Variants in GLI3 observed in about 807,000 individuals in gnomAD.
GLI3 encodes transcription activator GLI3.
A neutral mutation model predicts 100.8 loss-of-function variants in GLI3; 20 were observed. That is an observed-to-expected ratio of 0.20 (90% confidence interval 0.14 to 0.29). The LOEUF (loss-of-function observed/expected upper bound fraction) is 0.29. GLI3 is among the 10% of genes least tolerant of loss of function. GLI3 has a pLI of 1.00. For synonymous variants in GLI3, 938 were observed against 860.5 expected, an observed-to-expected ratio of 1.09 and a Z score of -1.58; for missense variants, 2,040 against 2,128.5, an observed-to-expected ratio of 0.96 and a Z score of 0.82.
chr7:42,255,469 C>T (rs181303238), intron 1 of GLI3, among the ~76,000 whole-genome samples: 8 of 152,166 alleles, frequency 5.3e-5, no homozygotes, highest in African/African-American at 1.4e-4. Context: ...CTCATGTCTG[C>T]GTGCATCAAT....
intron 13 of GLI3, among the ~76,000 whole-genome samples, chr7:41,971,389 C>A (rs1787361012): frequency 6.6e-6 from 1 of 152,212 alleles, no homozygotes; most frequent in African/African-American, 2.4e-5. Context: ...CAATTAAATC[C>A]ATTCTACGCA....
At chr7:42,050,748 G>A (rs916731382) in intron 4 of GLI3, among the ~76,000 whole-genome samples, 1 of 152,174 alleles carries the variant, frequency 6.6e-6, no homozygotes, top group South Asian at 2.1e-4. Flanking sequence ...CTAAACATCA[G>A]GGTGGGCAGT....
At chr7:42,014,713 T>G (rs2128727004) in intron 10 of GLI3, among the ~76,000 whole-genome samples, 1 of 152,286 alleles carries the variant, frequency 6.6e-6, no homozygotes, top group African/African-American at 2.4e-5. Flanking sequence ...CAGCCTGCCC[T>G]GTATGCTCCC....
chr7:41,968,713 GAAGA>G (rs1231824406), intron 13 of GLI3, among the ~76,000 whole-genome samples: 84 of 93,970 alleles, frequency 8.9e-4, no homozygotes, highest in Middle Eastern at 4.6e-3. Context: ...AAGAAAGAAA[GAAGA>G]AAGAAAGAAA....
chr7:42,003,737 A>C (rs1788372482), intron 10 of GLI3, among the ~76,000 whole-genome samples: 1 of 152,224 alleles, frequency 6.6e-6, no homozygotes, highest in Admixed American at 6.5e-5. Flanking sequence ...CAGCTTTACC[A>C]GAATGTTATT....
intron 2 of GLI3, among the ~76,000 whole-genome samples, chr7:42,202,608 T>C (rs1336730725): frequency 6.6e-6 from 1 of 152,156 alleles, no homozygotes; most frequent in Non-Finnish European, 1.5e-5. Context: ...GTAAATGCCA[T>C]CTTGCACAAA....
At chr7:41,990,150 C>A (rs1245361527) in intron 10 of GLI3, among the ~76,000 whole-genome samples, 1 of 149,414 alleles carries the variant, frequency 6.7e-6, no homozygotes, top group Non-Finnish European at 1.5e-5. Context: ...CACACACACA[C>A]AATGACTATC....
intron 10 of GLI3, among the ~76,000 whole-genome samples, chr7:42,005,390 T>C (rs1788426385): frequency 6.6e-6 from 1 of 151,844 alleles, no homozygotes; most frequent in Non-Finnish European, 1.5e-5. Flanking sequence ...AACGGATGGA[T>C]GGATAGATGG....
chr7:42,194,670 G>C (rs181732064), intron 2 of GLI3, among the ~76,000 whole-genome samples: 33 of 151,320 alleles, frequency 2.2e-4, no homozygotes, highest in Non-Finnish European at 4.4e-4. Context: ...TAGCATCTTT[G>C]ACTCTCCTTC....
chr7:42,180,634 C>G (rs986107667), intron 2 of GLI3, among the ~76,000 whole-genome samples: 2 of 152,100 alleles, frequency 1.3e-5, no homozygotes, highest in Non-Finnish European at 2.9e-5. Context: ...CCAAACAGTT[C>G]GAACAGCTCA....
intron 3 of GLI3, among the ~76,000 whole-genome samples, chr7:42,147,948 C>T (rs1786756924): frequency 6.6e-6 from 1 of 152,134 alleles, no homozygotes; most frequent in Admixed American, 6.5e-5. Context: ...ACAAAAGTCT[C>T]ATGTGGATTA....
chr7:42,163,249 C>T (rs1211468289), intron 2 of GLI3, among the ~76,000 whole-genome samples: 1 of 151,994 alleles, frequency 6.6e-6, no homozygotes, highest in South Asian at 2.1e-4. Context: ...CTCACCTCTG[C>T]TTGTCACACC....
At chr7:42,025,236 G>A (rs763792985) in intron 9 of GLI3, 28 bp downstream of exon 9, 19 of 1,446,154 alleles carry the variant, frequency 1.3e-5, no homozygotes, top group African/African-American at 5.6e-5. Flanking sequence ...AGGAGTGGGC[G>A]CTGGCCTGTG....
chr7:42,261,780 A>G (rs1241339769), intron 1 of GLI3, among the ~76,000 whole-genome samples: 2 of 152,178 alleles, frequency 1.3e-5, no homozygotes, highest in Admixed American at 1.3e-4. Flanking sequence ...TTCTTTAAAG[A>G]TAGAGATTTA....
intron 4 of GLI3, among the ~76,000 whole-genome samples, chr7:42,060,019 C>T (rs1468854590): frequency 2.0e-5 from 3 of 152,326 alleles, no homozygotes; most frequent in South Asian, 2.1e-4. Context: ...CTTAGGTTTG[C>T]CTGTTGGGTG....
intron 10 of GLI3, among the ~76,000 whole-genome samples, chr7:42,012,784 G>C (rs576297139): frequency 2.6e-5 from 4 of 152,326 alleles, no homozygotes; most frequent in African/African-American, 9.6e-5. Flanking sequence ...AACACGAGGA[G>C]GAATACAGTG....
At chr7:42,179,828 C>T (rs1349132421) in intron 2 of GLI3, among the ~76,000 whole-genome samples, 1 of 152,110 alleles carries the variant, frequency 6.6e-6, no homozygotes, top group East Asian at 1.9e-4. Context: ...ATCACCTGGG[C>T]TAGAAAAGGT....
In GLI3 at chr7:41,962,896, C is replaced by A. The variant is rs1787045879; in HGVS notation, c.*1434G>T. Reference sequence around the variant, plus strand: ...TAACAGTTTATATAATTTTTTAAAGCAATATGCTGGAAAATCCATGTACTC... The same window carrying A: ...TAACAGTTTATATAATTTTTTAAAGAAATATGCTGGAAAATCCATGTACTC... On this transcript the variant is annotated 3_prime_UTR_variant, in exon 15 of 15. Transcript: ENST00000395925. The A allele has an allele frequency of 6.6e-6, 1 of 152,138 alleles. No homozygotes were observed. Among genetic ancestry groups the A allele is most frequent in the African/African-American group, 2.4e-5 (1 of 41,440 alleles). The allele number at this position is 152,138 out of a possible 1,614,324, so 9.4% of individuals were successfully genotyped here.
At chr7:42,230,106 G>GC (rs1213334832) in intron 1 of GLI3, among the ~76,000 whole-genome samples, 5 of 122,646 alleles carry the variant, frequency 4.1e-5, no homozygotes, top group Admixed American at 8.3e-5. Context: ...GGCGGGGGGG[G>GC]GGGGGGTGGA....
Sources: allele counts gnomAD v4.1 joint callset (sites outside exome capture counted in the v4.1 genomes callset), GRCh38; gene constraint gnomAD v4.1.1; transcripts MANE v1.5; gene names NCBI Gene and HGNC (gene_info 2026-07-23, HGNC 2026-07-21).